MBD3: variants seen among roughly 807,000 people sequenced by gnomAD.
The protein encoded by MBD3 is methyl-CpG binding domain protein 3.
In MBD3, 13 loss-of-function variants were observed where a neutral mutation model predicts 31.2. The observed-to-expected ratio is 0.42, with a 90% CI of 0.27 to 0.66. The LOEUF is 0.66. Among genes scored for constraint, MBD3 ranks in the 30% least tolerant of loss-of-function variants. The pLI, the probability that MBD3 is intolerant of heterozygous loss-of-function variation, is 0.26. For synonymous variants in MBD3, 223 were observed against 187.4 expected (o/e 1.19, Z -1.55); for missense variants, 440 against 426.5 (o/e 1.03, Z -0.28).
chr19:1,592,447 A>T (rs2060709436), intron 1 of MBD3, 75 bp downstream of exon 1: 4 of 622,180 alleles, frequency 6.4e-6, no homozygotes, highest in Non-Finnish European at 9.5e-6. Flanking sequence ...GGCCCGGGGC[A>T]GGGGCGCCGA....
chr19:1,584,845 C>G (rs1382007920), intron 2 of MBD3, 168 bp from the exon 3 acceptor site: 1 of 987,644 alleles, frequency 1.0e-6, no homozygotes, highest in African/African-American at 1.8e-5. Flanking sequence ...GTCGGTCCGG[C>G]CGGCTCTGGA....
At chr19:1,584,459 G>A (rs946626742) in intron 3 of MBD3, 81 bp downstream of exon 3, 60 of 1,584,202 alleles carry the variant, frequency 3.8e-5, no homozygotes, top group Non-Finnish European at 4.7e-5. Context: ...TCCGCTCCAC[G>A]TACGACCTCA....
intron 1 of MBD3, among the ~76,000 whole-genome samples, chr19:1,590,096 G>A (rs917210273): frequency 2.7e-5 from 4 of 149,294 alleles, no homozygotes; most frequent in Non-Finnish European, 5.9e-5. Context: ...TCAGGAGTTC[G>A]AGACCAGTCT....
In MBD3 at chr19:1,582,628, G is replaced by A. The variant is rs770848522; in HGVS notation, c.493C>T (p.Leu165=). 6.2e-7 allele frequency: 1 copy of A among 1,613,776 alleles called. No homozygotes were observed. Among genetic ancestry groups the A allele is most frequent in the Admixed American group, 1.7e-5 (1 of 60,010 alleles). The part of the protein sequence containing the change: ...LVKTMDLPKG[L]QGVGPGCTDE... ...CCTCAGGGTGCCCGCTCACCCTGCAGGCCCTTGGGGAGGTCCATGGTCTTG... is the reference window on the plus strand; with the variant it reads ...CCTCAGGGTGCCCGCTCACCCTGCAAGCCCTTGGGGAGGTCCATGGTCTTG... Residue 165 remains leucine, a synonymous_variant, in exon 4 of 7, where the codon CTG becomes TTG. Transcript: ENST00000434436.
At chr19:1,583,946 C>T (rs1476726405) in intron 3 of MBD3, among the ~76,000 whole-genome samples, 1 of 151,920 alleles carries the variant, frequency 6.6e-6, no homozygotes, top group African/African-American at 2.4e-5. Flanking sequence ...CTCAGCCTCC[C>T]GGGTAGCTGG....
In MBD3 at chr19:1,585,096, T is replaced by C; in HGVS notation, c.229A>G (p.Ser77Gly). ...GAGTCGTAGCGCACGCGCTGGCGGC[T>C]CTTGTTCATCTTGCTCATCAGCATC... is the stretch of plus-strand genomic sequence containing the variant. ...GKMLMSKMNK[S>G]RQRVRYDSSN... The change falls in exon 2 of 7, where the codon AGC (serine) becomes GGC (glycine). Residue 77 changes from serine (S) to glycine (G), a missense_variant. Physicochemically the swap from Ser to Gly is moderately conservative, Grantham distance 56 (BLOSUM62 0). Around this residue, in one of 3 missense-constraint regions of MBD3, gnomAD observed 179 missense variants for 134.7 expected, o/e 1.33. Transcript: ENST00000434436. This position sits in a 1 kb window ranked among gnomAD's most constrained non-coding sequence, Gnocchi z 4.1. The C allele has an allele frequency of 6.2e-7, 1 of 1,612,626 alleles. No individual in the cohort carries two copies. The highest frequency in any genetic ancestry group is 8.5e-7 in the Non-Finnish European group (1 of 1,179,492).
At chr19:1,588,414 A>G (rs2060688786) in intron 1 of MBD3, among the ~76,000 whole-genome samples, 1 of 152,184 alleles carries the variant, frequency 6.6e-6, no homozygotes. Flanking sequence ...AAGGAAGAAG[A>G]GACCCCACAA....
chr19:1,584,908 G>C (rs1052877546), intron 2 of MBD3, 147 bp downstream of exon 2: 15 of 1,239,100 alleles, frequency 1.2e-5, no homozygotes, highest in Middle Eastern at 2.7e-4. Context: ...TGCACCCTGT[G>C]GCCTGCGCCT....
Position 1,578,359 on chromosome 19 carries a change from G to A in MBD3, c.857C>T (p.Pro286Leu), listed in dbSNP as rs752238542. The A allele has an allele frequency of 6.2e-6, 10 of 1,603,666 alleles. No individual in the cohort carries two copies. The highest frequency in any genetic ancestry group is 2.2e-5 in the East Asian group (1 of 44,880). ...EEEEEEPDPD[P>L]EMEHV The stretch of plus-strand genomic sequence containing the variant: ...CCTGCCCTAGACGTGCTCCATCTCC[G>A]GGTCCGGGTCGGGCTCCTCCTCCTC... Residue 286 changes from proline (P) to leucine (L), a missense_variant, in exon 6 of 7, where the codon CCG becomes CTG. Pro to Leu is a moderately conservative substitution (Grantham distance 98). This residue lies in a region of MBD3 where 117 missense variants were observed against 95.0 expected (regional missense o/e 1.23). Coordinates refer to ENST00000434436, the MANE Select transcript of MBD3 (RefSeq NM_001281453.2). This position sits in a 1 kb window ranked among gnomAD's most constrained non-coding sequence, Gnocchi z 6.1.
Position 1,592,794 on chromosome 19 carries a change from C to T in MBD3, c.-163G>A, listed in dbSNP as rs2060712964. 2 of 149,598 alleles carry T rather than the reference C, an allele frequency of 1.3e-5. No homozygotes were observed. Among genetic ancestry groups the T allele is most frequent in the South Asian group, 3.5e-4 (2 of 5,658 alleles). The allele number at this position is 149,598 out of a possible 1,614,324, so 9.3% of individuals were successfully genotyped here. ...CCTCCGCCCCCAGCCGGGCGCGCGC[C>T]GGCTTTGCCGCCCTTTCGGCCCCCT... On this transcript the variant is annotated 5_prime_UTR_variant, in exon 1 of 7. Coordinates refer to ENST00000434436, the MANE Select transcript of MBD3 (RefSeq NM_001281453.2).
Position 1,578,740 on chromosome 19 carries a change from C to T in MBD3, c.678-202G>A, listed in dbSNP as rs1262513147. Among the ~76,000 whole-genome samples the T allele has an allele frequency of 8.5e-5, 13 of 152,146 alleles. No individual in the cohort carries two copies. The highest frequency in any genetic ancestry group is 7.2e-4 in the Admixed American group (11 of 15,274). On this transcript the variant is annotated intron_variant, in intron 5 of 6. Transcript: ENST00000434436. The surrounding 1 kb of genome is among the most constrained non-coding windows in gnomAD (Gnocchi z 6.1). The stretch of plus-strand genomic sequence containing the variant: ...GCTGCCGCTGGCCATCGCCAGCGTC[C>T]GCCACCCTCCCAGATGGCCCCCCTG...
At chr19:1,584,803 C>A in intron 2 of MBD3, 126 bp from the exon 3 acceptor site, 5 of 1,081,400 alleles carry the variant, frequency 4.6e-6, no homozygotes, top group Non-Finnish European at 6.2e-6. Flanking sequence ...CCCGCCAGGA[C>A]CCCCACGGTC....
intron 1 of MBD3, among the ~76,000 whole-genome samples, chr19:1,590,317 T>TTGTA (rs2060697896): frequency 6.6e-6 from 1 of 151,646 alleles, no homozygotes; most frequent in Non-Finnish European, 1.5e-5. Flanking sequence ...CCCCACTGAA[T>TTGTA]TGTACATTTC....
chr19:1,588,227 C>T (rs1403759457), intron 1 of MBD3, among the ~76,000 whole-genome samples: 2 of 152,228 alleles, frequency 1.3e-5, no homozygotes, highest in African/African-American at 4.8e-5. Context: ...GGCACGAGGA[C>T]AAGTGCCTGG....
chr19:1,584,713 C>T, intron 2 of MBD3, 36 bp from the exon 3 acceptor site: 2 of 1,599,184 alleles, frequency 1.3e-6, no homozygotes, highest in East Asian at 2.2e-5. Context: ...GGCCTGGGGG[C>T]GCCCCGGCGG....
At position 1,585,575 on chromosome 19, in the gene MBD3, T is replaced by A. The variant is rs754919166; in HGVS notation, c.111-361A>T. On this transcript the variant is annotated intron_variant, in intron 1 of 6. Transcript: ENST00000434436. The surrounding 1 kb of genome is among the most constrained non-coding windows in gnomAD (Gnocchi z 4.1). ...GGTCCCCTCTGAATCCTCCCCACCG[T>A]AGGCCCTGGCAGCGTCAGGCACAGC... The A allele has an allele frequency of 3.3e-6, 1 of 300,292 alleles. No homozygotes were observed. The highest frequency in any genetic ancestry group is 6.4e-6 in the Non-Finnish European group (1 of 155,886). The allele number at this position is 300,292 out of a possible 1,614,324, so 18.6% of individuals were successfully genotyped here.
chr19:1,581,836 C>T lies in MBD3; in HGVS notation c.500-567G>A, dbSNP rs141610260. 1,121 of 162,592 alleles carry T rather than the reference C, an allele frequency of 6.9e-3. 4 individuals are homozygous for T. Among genetic ancestry groups the T allele is most frequent in the African/African-American group, 0.023 (952 of 40,792 alleles). The allele number at this position is 162,592 out of a possible 1,614,324, so 10.1% of individuals were successfully genotyped here. ...CCAGGAGAGTGCAGTGGTGCGATCT[C>T]GGCTCACTGTAAGCTCCGCCTGCCA... is the stretch of plus-strand genomic sequence containing the variant. On this transcript the variant is annotated intron_variant, in intron 4 of 6. Transcript: ENST00000434436.
At chr19:1,589,839 GAATA>G (rs1209337665) in intron 1 of MBD3, among the ~76,000 whole-genome samples, 3 of 151,830 alleles carry the variant, frequency 2.0e-5, no homozygotes, top group East Asian at 3.9e-4. Context: ...GTCTCACAAT[GAATA>G]AATGAATGAA....
intron 3 of MBD3, among the ~76,000 whole-genome samples, chr19:1,582,981 A>G (rs1362477776): frequency 6.6e-6 from 1 of 152,156 alleles, no homozygotes; most frequent in African/African-American, 2.4e-5. Flanking sequence ...AAGTGGGTGG[A>G]TCACCTGAGG....
Sources: gnomAD v4.1 joint callset for allele counts (sites outside exome capture counted in the v4.1 genomes callset) on GRCh38, gnomAD v4.1.1 for gene constraint, gnomAD v4.1.1 regional missense constraint, Gnocchi (gnomAD v3.1) non-coding constraint, MANE v1.5 for transcripts, NCBI Gene and HGNC (gene_info 2026-07-23, HGNC 2026-07-21) for gene names.